CFHR1: variants seen among roughly 807,000 people sequenced by gnomAD.
CFHR1 encodes complement factor H related 1, also known as complement factor H-related protein 1.
In CFHR1, 22 loss-of-function variants were observed where a neutral mutation model predicts 30.4. The ratio of observed to expected loss-of-function variants is 0.72; its 90% confidence interval spans 0.52 to 1.03. The LOEUF (loss-of-function observed/expected upper bound fraction) is 1.03. CFHR1 is among the 50% of genes least tolerant of loss of function. The pLI is 0.00. For missense variants in CFHR1, 248 were observed against 380.6 expected (o/e 0.65, Z 2.90); for synonymous variants, 95 against 129.1 (o/e 0.74, Z 1.79).
At chr1:196,822,894 G>A (rs2124885270) in intron 1 of CFHR1, among the ~76,000 whole-genome samples, 1 of 133,708 alleles carries the variant, frequency 7.5e-6, no homozygotes, top group South Asian at 2.6e-4. Context: ...TTATGTGACT[G>A]GCAATGCTGT....
chr1:196,824,243 C>A (rs1424870366), intron 1 of CFHR1, among the ~76,000 whole-genome samples: 1 of 112,688 alleles, frequency 8.9e-6, no homozygotes. Flanking sequence ...TCCTCCCATA[C>A]AATTTATTTT....
rs1401561794 is a variant in CFHR1, at chr1:196,830,711, A to C, written c.790+29A>C. 2 of 1,520,074 alleles carry C rather than the reference A, an allele frequency of 1.3e-6. 1 individual carries two copies. The highest frequency in any genetic ancestry group is 1.8e-6 in the Non-Finnish European group (2 of 1,124,982). 94.2% of individuals were successfully genotyped at this position (1,520,074 alleles called of 1,614,324 possible). On this transcript the variant is annotated intron_variant, in intron 5 of 5. Transcript: ENST00000320493. ...AGTACTTTAATATTCACGTGGCTGG[A>C]AAAATCAGTGTGATGAGTCTGATAT...
chr1:196,831,581 C>G (rs531047567), intron 5 of CFHR1, among the ~76,000 whole-genome samples: 3 of 134,766 alleles, frequency 2.2e-5, no homozygotes, highest in African/African-American at 9.5e-5. Context: ...GATAATACAC[C>G]CCTAATTCTC....
rs1407537702 is a variant in CFHR1 at position 196,823,408 on chromosome 1, A to C, written c.59-2069A>C. 2.2e-5 allele frequency among the ~76,000 whole-genome samples: 3 copies of C among 134,682 alleles called. 1 individual carries two copies. The highest frequency in any genetic ancestry group is 4.7e-5 in the Non-Finnish European group (3 of 64,170). The allele number at this position is 134,682 out of a possible 152,430, so 88.4% of individuals were successfully genotyped here. A position where few individuals can be genotyped will look rare whatever the true frequency, so the allele number is the denominator to read the frequency against. On this transcript the variant is annotated intron_variant, in intron 1 of 5. Transcript: ENST00000320493. ...CAAATGTATGAAAATAAACTACTATAATTTTGGAGGAGTGAAGGATAATTG... is the reference window on the plus strand; with the variant it reads ...CAAATGTATGAAAATAAACTACTATCATTTTGGAGGAGTGAAGGATAATTG...
chr1:196,822,472 T>G (rs431088), intron 1 of CFHR1, among the ~76,000 whole-genome samples: 56,596 of 131,004 alleles, frequency 0.43, 17,950 homozygotes, highest in East Asian at 0.54. Context: ...TTCTTTCTGT[T>G]CTTGTGCTAT....
Position 196,828,924 on chromosome 1 carries a change from T to A in CFHR1, c.607+678T>A, listed in dbSNP as rs1306525481. Among the ~76,000 whole-genome samples, 6 of 132,510 alleles carry A rather than the reference T, an allele frequency of 4.5e-5. 1 individual carries two copies. The highest frequency in any genetic ancestry group is 4.4e-4 in the Admixed American group (6 of 13,788). The allele number at this position is 132,510 out of a possible 152,430, so 86.9% of individuals were successfully genotyped here. ...CATCCTTTCATGGCCTGTTAACTGG[T>A]GCACTTGGACCAATTACACTTAACA... On this transcript the variant is annotated intron_variant, in intron 4 of 5. Coordinates refer to ENST00000320493, the MANE Select transcript of CFHR1 (RefSeq NM_002113.3).
chr1:196,831,126 C>T (rs1378348503), intron 5 of CFHR1, among the ~76,000 whole-genome samples: 1 of 135,452 alleles, frequency 7.4e-6, no homozygotes, highest in Non-Finnish European at 1.6e-5. Flanking sequence ...AGCGAGACTC[C>T]GTCTCAATAA....
intron 4 of CFHR1, among the ~76,000 whole-genome samples, chr1:196,830,197 C>T (rs1177721301): frequency 7.4e-6 from 1 of 135,330 alleles, no homozygotes; most frequent in East Asian, 2.0e-4. Context: ...AAATAAGAAA[C>T]TTTCTTTGTC....
rs1356802007 is a variant in CFHR1 at position 196,824,796 on chromosome 1, G to T, written c.59-681G>T. ...TATATATATATGTGCGTGTGTGTGT[G>T]TGTTCACAAGTATAAATATATAAAT... On this transcript the variant is annotated intron_variant, in intron 1 of 5. Transcript: ENST00000320493. Among the ~76,000 whole-genome samples the T allele has an allele frequency of 2.7e-4, 27 of 98,856 alleles. 3 individuals are homozygous for T. Among genetic ancestry groups the T allele is most frequent in the Admixed American group, 5.3e-4 (5 of 9,348 alleles). 64.9% of individuals were successfully genotyped at this position (98,856 alleles called of 152,430 possible). A position where few individuals can be genotyped will look rare whatever the true frequency, so the allele number is the denominator to read the frequency against.
chr1:196,823,072 A>G (rs1376705189), intron 1 of CFHR1, among the ~76,000 whole-genome samples: 1 of 121,408 alleles, frequency 8.2e-6, no homozygotes, highest in Non-Finnish European at 1.7e-5. Flanking sequence ...GTGGTGAATA[A>G]CTGTACGACT....
chr1:196,827,528 G>T (rs2124891910), intron 3 of CFHR1, among the ~76,000 whole-genome samples: 1 of 134,842 alleles, frequency 7.4e-6, no homozygotes, highest in East Asian at 2.0e-4. Context: ...CTCCAATTTA[G>T]ATCCTTTGAT....
chr1:196,821,988 G>A (rs387547), intron 1 of CFHR1, among the ~76,000 whole-genome samples: 55,281 of 124,522 alleles, frequency 0.44, 17,100 homozygotes, highest in East Asian at 0.54. Flanking sequence ...TAGCACAATT[G>A]TAAGTATATG....
intron 1 of CFHR1, among the ~76,000 whole-genome samples, chr1:196,822,236 A>G (rs1655144985): frequency 1.8e-5 from 2 of 113,226 alleles, no homozygotes; most frequent in Admixed American, 1.8e-4. Flanking sequence ...ATTTACTTGA[A>G]TAGTTTTGGG....
At chr1:196,829,724 A>AT (rs1186338781) in intron 4 of CFHR1, among the ~76,000 whole-genome samples, 3 of 134,512 alleles carry the variant, frequency 2.2e-5, no homozygotes, top group Non-Finnish European at 4.7e-5. Flanking sequence ...CTTTCAAGGT[A>AT]TTTTTTTCTT....
chr1:196,824,245 ATTTAT>A lies in CFHR1; in HGVS notation c.59-1217_59-1213del, dbSNP rs1171250603. 3.7e-5 allele frequency among the ~76,000 whole-genome samples: 4 copies of A among 107,776 alleles called. 1 individual carries two copies. The highest frequency in any genetic ancestry group is 7.2e-5 in the Non-Finnish European group (4 of 55,706). 70.7% of individuals were successfully genotyped at this position (107,776 alleles called of 152,430 possible). A position where few individuals can be genotyped will look rare whatever the true frequency, so the allele number is the denominator to read the frequency against. On this transcript the variant is annotated intron_variant, in intron 1 of 5. Transcript: ENST00000320493. ...TAACCTGTGCATATCCTCCCATACA[ATTTAT>A]TTTATTTTATTTTAATTTTTTTTGA...
At chr1:196,830,372 C>T in intron 4 of CFHR1, 128 bp from the exon 5 acceptor site, 1 of 1,061,074 alleles carries the variant, frequency 9.4e-7, no homozygotes, top group East Asian at 2.4e-5. Context: ...TTCCAGGACT[C>T]ATTTCTTTTA....
intron 3 of CFHR1, among the ~76,000 whole-genome samples, chr1:196,827,740 A>C: frequency 1.0e-5 from 1 of 95,852 alleles, no homozygotes; most frequent in East Asian, 2.7e-4. Context: ...TTAAATAAAT[A>C]GAACTGGTAA....
chr1:196,828,986 T>C (rs1456688565), intron 4 of CFHR1, among the ~76,000 whole-genome samples: 1 of 133,940 alleles, frequency 7.5e-6, no homozygotes, highest in African/African-American at 3.2e-5. Context: ...CTCTGTCATT[T>C]ATTTGTTTCT....
rs1442986979 is a variant in CFHR1 at position 196,824,265 on chromosome 1, A to T, written c.59-1212A>T. ...ATACAATTTATTTTATTTTATTTTA[A>T]TTTTTTTTGAGGTGGAGTCTTGCTC... On this transcript the variant is annotated intron_variant, in intron 1 of 5. Coordinates refer to ENST00000320493, the MANE Select transcript of CFHR1 (RefSeq NM_002113.3). Among the ~76,000 whole-genome samples, 9 of 127,160 alleles carry T rather than the reference A, an allele frequency of 7.1e-5. 2 individuals carry two copies. Among genetic ancestry groups the T allele is most frequent in the Admixed American group, 1.5e-4 (2 of 13,036 alleles). The allele number at this position is 127,160 out of a possible 152,430, so 83.4% of individuals were successfully genotyped here.
Sources: allele counts gnomAD v4.1 joint callset (sites outside exome capture counted in the v4.1 genomes callset), GRCh38; gene constraint gnomAD v4.1.1; transcripts MANE v1.5; gene names NCBI Gene and HGNC (gene_info 2026-07-23, HGNC 2026-07-21).